The following CERS3 variants were observed in gnomAD, a reference collection of about 807,000 sequenced individuals.
CERS3 encodes the protein ceramide synthase 3.
In CERS3, 33 loss-of-function variants were observed where a neutral mutation model predicts 50.3. That is an observed-to-expected ratio of 0.66 (90% CI 0.50 to 0.88). CERS3 has a LOEUF of 0.88. Ranked by LOEUF, CERS3 falls within the 40% of genes least tolerant of loss-of-function variation. The pLI is 0.00. For synonymous variants in CERS3, 176 were observed against 155.2 expected (o/e 1.13, Z -0.99); for missense variants, 470 against 460.3 (o/e 1.02, Z -0.19).
chr15:100,448,887 G>T (rs2034047133), intron 11 of CERS3, among the ~76,000 whole-genome samples: 1 of 152,198 alleles, frequency 6.6e-6, no homozygotes, highest in African/African-American at 2.4e-5. Flanking sequence ...GAGTCAGCAT[G>T]CATTTACAAG....
intron 11 of CERS3, among the ~76,000 whole-genome samples, chr15:100,421,094 A>G (rs1424780848): frequency 4.0e-5 from 6 of 150,988 alleles, no homozygotes; most frequent in African/African-American, 1.5e-4. Flanking sequence ...GCAATTAGGC[A>G]GGAGAAGGAA....
chr15:100,440,635 A>G (rs2587809), intron 11 of CERS3, among the ~76,000 whole-genome samples: 144,909 of 152,266 alleles, frequency 0.95, 69,380 homozygotes, highest in East Asian at 1. Context: ...GGAGGGGGGG[A>G]ACCTCCCTTG....
rs2030505334 is a variant in CERS3, at chr15:100,401,268, T to C, written c.*1445A>G. Reference sequence around the variant, plus strand: ...GCCAGGTGGTGAGGACAGATGCAGATTTTACTCAGGGTCTTCCTTGGGAAG... The same window carrying C: ...GCCAGGTGGTGAGGACAGATGCAGACTTTACTCAGGGTCTTCCTTGGGAAG... On this transcript the variant is annotated 3_prime_UTR_variant, in exon 12 of 12. Transcript: ENST00000679737. 6.6e-6 allele frequency: 1 copy of C among 152,150 alleles called. No individual in the cohort carries two copies. The allele number at this position is 152,150 out of a possible 1,614,324, so 9.4% of individuals were successfully genotyped here.
intron 11 of CERS3, among the ~76,000 whole-genome samples, chr15:100,443,758 G>A (rs1276474968): frequency 1.3e-5 from 2 of 151,874 alleles, no homozygotes; most frequent in Non-Finnish European, 2.9e-5. Context: ...TGCTCTCCCT[G>A]CCGATAGTGT....
chr15:100,542,117 T>C (rs1434529059), intron 1 of CERS3, among the ~76,000 whole-genome samples: 1 of 152,186 alleles, frequency 6.6e-6, no homozygotes, highest in African/African-American at 2.4e-5. Context: ...CATTAAGTGC[T>C]TCAACCTTTG....
At chr15:100,461,964 C>T (rs72757296) in intron 10 of CERS3, among the ~76,000 whole-genome samples, 18,511 of 152,098 alleles carry the variant, frequency 0.12, 1,320 homozygotes, top group Admixed American at 0.22. Context: ...TCTCCTTCTA[C>T]GCTAAAAGAA....
At chr15:100,439,531 C>T (rs2033586248) in intron 11 of CERS3, among the ~76,000 whole-genome samples, 1 of 152,226 alleles carries the variant, frequency 6.6e-6, no homozygotes. Context: ...TCTGCAATTT[C>T]ATTTGTAAAG....
intron 10 of CERS3, among the ~76,000 whole-genome samples, chr15:100,462,356 G>T (rs1242840800): frequency 1.3e-5 from 2 of 152,124 alleles, no homozygotes; most frequent in Non-Finnish European, 2.9e-5. Flanking sequence ...TGGTTTTGCT[G>T]GACTAGCTAA....
At chr15:100,421,716 G>T (rs201714648) in intron 11 of CERS3, among the ~76,000 whole-genome samples, 65,737 of 144,756 alleles carry the variant, frequency 0.45, 16,073 homozygotes, top group Non-Finnish European at 0.55. Context: ...AAACAGCATG[G>T]TACTGGTACC....
chr15:100,430,781 G>A (rs894911390), intron 11 of CERS3, among the ~76,000 whole-genome samples: 2 of 152,082 alleles, frequency 1.3e-5, no homozygotes, highest in African/African-American at 4.8e-5. Context: ...TGTTATATAG[G>A]TTCTAATTAT....
chr15:100,454,540 T>C lies in CERS3; in HGVS notation c.999+1353A>G, dbSNP rs562331700. ...AACTAGATCTCTGTCTCTCATCATA[T>C]ACAAAAATCAACTCAACACAGATTA... is the stretch of plus-strand genomic sequence containing the variant. On this transcript the variant is annotated intron_variant, in intron 11 of 11. Coordinates refer to ENST00000679737, the MANE Select transcript of CERS3 (RefSeq NM_001378789.1). Among the ~76,000 whole-genome samples the C allele has an allele frequency of 3.3e-5, 5 of 152,164 alleles. No homozygotes were observed. The South Asian group carries it at 8.3e-4, about 25-fold the overall frequency.
chr15:100,417,513 C>T (rs1472297199), intron 11 of CERS3, among the ~76,000 whole-genome samples: 7 of 152,010 alleles, frequency 4.6e-5, no homozygotes, highest in African/African-American at 1.2e-4. Context: ...GAGGGGCGCC[C>T]GCCATTGCCC....
intron 2 of CERS3, among the ~76,000 whole-genome samples, chr15:100,504,771 G>A (rs2036127262): frequency 6.6e-6 from 1 of 152,202 alleles, no homozygotes. Flanking sequence ...TGTTGACAGA[G>A]CTGTTAGGAA....
upstream of CERS3, among the ~76,000 whole-genome samples, chr15:100,531,942 G>C (rs1444051521): frequency 2.0e-5 from 3 of 152,144 alleles, no homozygotes; most frequent in Admixed American, 2.0e-4. Context: ...GAGCAGTAGG[G>C]GTGCATTACA....
At chr15:100,537,180 TA>T (rs113497289) in intron 1 of CERS3, among the ~76,000 whole-genome samples, 2,752 of 152,252 alleles carry the variant, frequency 0.018, 93 homozygotes, top group African/African-American at 0.064. Flanking sequence ...GTGGGATTTT[TA>T]AAAAAGCACA....
chr15:100,457,690 G>T (rs1317701413), intron 10 of CERS3, among the ~76,000 whole-genome samples: 2 of 152,176 alleles, frequency 1.3e-5, no homozygotes, highest in African/African-American at 4.8e-5. Context: ...GTATATAGGG[G>T]TAGAATTGTG....
At chr15:100,437,110 AT>A (rs930391451) in intron 11 of CERS3, among the ~76,000 whole-genome samples, 1 of 151,460 alleles carries the variant, frequency 6.6e-6, no homozygotes. Flanking sequence ...TGCCCGGCTA[AT>A]TTTTTTTGTA....
At chr15:100,411,200 T>C (rs1341029586) in intron 11 of CERS3, among the ~76,000 whole-genome samples, 2 of 152,242 alleles carry the variant, frequency 1.3e-5, no homozygotes, top group African/African-American at 4.8e-5. Context: ...TTCATTCTCG[T>C]TGCCCAGGCT....
chr15:100,515,479 C>T (rs547415739), intron 2 of CERS3, among the ~76,000 whole-genome samples: 1 of 152,140 alleles, frequency 6.6e-6, no homozygotes, highest in Non-Finnish European at 1.5e-5. Context: ...CTTATCTTGG[C>T]CTGATCATTA....
Sources: gnomAD v4.1 joint callset for allele counts (sites outside exome capture counted in the v4.1 genomes callset) on GRCh38, gnomAD v4.1.1 for gene constraint, MANE v1.5 for transcripts, NCBI Gene and HGNC (gene_info 2026-07-23, HGNC 2026-07-21) for gene names.